Variants in ZNF33B observed in about 807,000 individuals in gnomAD.
The protein encoded by ZNF33B is zinc finger protein 33B.
ZNF33B carries 29 observed loss-of-function variants against 45.8 expected under a neutral mutation model. That is an observed-to-expected ratio of 0.63 (90% CI 0.47 to 0.86). The LOEUF is 0.86. ZNF33B is among the 40% of genes least tolerant of loss of function. The pLI is 0.00. For missense variants in ZNF33B, 831 were observed against 909.9 expected (o/e 0.91, Z 1.12); for synonymous variants, 305 against 307.8 (o/e 0.99, Z 0.10).
chr10:42,611,021 CAAT>C (rs1564513375), intron 4 of ZNF33B, among the ~76,000 whole-genome samples: 1 of 152,078 alleles, frequency 6.6e-6, no homozygotes, highest in Non-Finnish European at 1.5e-5. Context: ...TAATTTTCAA[CAAT>C]GATGCCAAGA....
At position 42,577,154 on chromosome 10, in the gene ZNF33B, A is replaced by AC. The variant is rs1266593656; in HGVS notation, c.74-2477_74-2476insG. On this transcript the variant is annotated intron_variant, in intron 1 of 1. Transcript: ENST00000462075. ...TCTCAAAAAAAAAAAAAAAAAAAAA[A>AC]AATTCCCAGTCCAGGCTGGAAGATG... is the stretch of plus-strand genomic sequence containing the variant. Among the ~76,000 whole-genome samples the AC allele has an allele frequency of 2.7e-5, 4 of 149,524 alleles. No homozygotes were observed. In the East Asian group the frequency reaches 7.9e-4, roughly 29 times the overall value.
At chr10:42,611,326 G>A (rs1373236216) in intron 4 of ZNF33B, among the ~76,000 whole-genome samples, 1 of 151,926 alleles carries the variant, frequency 6.6e-6, no homozygotes, top group Non-Finnish European at 1.5e-5. Context: ...GGGTGACGGA[G>A]TGAGACTCCG....
At position 42,590,223 on chromosome 10, in the gene ZNF33B, A is replaced by T. The variant is rs1194372003; in HGVS notation, c.*2390T>A. 1 of 152,122 alleles carries T rather than the reference A, an allele frequency of 6.6e-6. No individual in the cohort carries two copies. The highest frequency in any genetic ancestry group is 1.5e-5 in the Non-Finnish European group (1 of 68,024). 9.4% of individuals were successfully genotyped at this position (152,122 alleles called of 1,614,324 possible). ...TGTAATGTTTTTGCCTGGCTTTGGT[A>T]TTAGGGTAATCCTGGCCTCACAAAA... On this transcript the variant is annotated 3_prime_UTR_variant, in exon 5 of 5. Coordinates refer to ENST00000359467, the MANE Select transcript of ZNF33B (RefSeq NM_006955.3).
chr10:42,603,406 G>A (rs535609774), intron 4 of ZNF33B, among the ~76,000 whole-genome samples: 30 of 152,190 alleles, frequency 2.0e-4, no homozygotes, highest in African/African-American at 6.3e-4. Flanking sequence ...ACAGCAACAA[G>A]CTAAACCACA....
chr10:42,637,185 A>G (rs1279639959), intron 1 of ZNF33B, among the ~76,000 whole-genome samples: 1 of 152,224 alleles, frequency 6.6e-6, no homozygotes, highest in African/African-American at 2.4e-5. Flanking sequence ...CTTGGGCACA[A>G]GATTTTTCAT....
intron 4 of ZNF33B, among the ~76,000 whole-genome samples, chr10:42,628,159 G>T (rs1044251789): frequency 6.6e-6 from 1 of 152,172 alleles, no homozygotes; most frequent in African/African-American, 2.4e-5. Context: ...GGGACTACAG[G>T]CATGCGCCAC....
downstream of ZNF33B, among the ~76,000 whole-genome samples, chr10:42,588,362 G>A (rs2132022564): frequency 6.6e-6 from 1 of 152,348 alleles, no homozygotes; most frequent in East Asian, 1.9e-4. Context: ...GCAACTGGTG[G>A]TTCTGTCCAA....
intron 4 of ZNF33B, among the ~76,000 whole-genome samples, chr10:42,624,400 T>C (rs1214868770): frequency 1.3e-5 from 2 of 148,706 alleles, no homozygotes; most frequent in Non-Finnish European, 1.5e-5. Flanking sequence ...TCCTGTCCTC[T>C]TGATTATTAT....
At chr10:42,616,017 G>A (rs1430203384) in intron 4 of ZNF33B, among the ~76,000 whole-genome samples, 1 of 150,892 alleles carries the variant, frequency 6.6e-6, no homozygotes, top group Non-Finnish European at 1.5e-5. Context: ...GAGGTCAGGA[G>A]TTTTGAGACC....
rs369812293 is a variant in ZNF33B, at chr10:42,622,897, A to G, written c.250+9032T>C. ...AATAAAATGTTTAGAAGAAATGTTCAGAAGAAAACATAAGGAAAACTTTGG... is the reference window on the plus strand; with the variant it reads ...AATAAAATGTTTAGAAGAAATGTTCGGAAGAAAACATAAGGAAAACTTTGG... On this transcript the variant is annotated intron_variant, in intron 4 of 4. Transcript: ENST00000359467. Among the ~76,000 whole-genome samples, 29 of 152,382 alleles carry G rather than the reference A, an allele frequency of 1.9e-4. 1 individual carries two copies. Among genetic ancestry groups the G allele is most frequent in the African/African-American group, 6.7e-4 (28 of 41,600 alleles).
chr10:42,577,132 CAAAAAAA>C (rs71014272), intron 1 of ZNF33B, among the ~76,000 whole-genome samples: 1 of 81,648 alleles, frequency 1.2e-5, no homozygotes, highest in East Asian at 3.5e-4. Flanking sequence ...GACTCCATCT[CAAAAAAA>C]AAAAAAAAAA....
chr10:42,625,037 T>TA (rs1298111292), intron 4 of ZNF33B, among the ~76,000 whole-genome samples: 516 of 61,320 alleles, frequency 8.4e-3, no homozygotes, highest in Middle Eastern at 0.037. Flanking sequence ...TGTTTCATAT[T>TA]TTATATATAT....
chr10:42,615,374 T>C (rs1381119588), intron 4 of ZNF33B, among the ~76,000 whole-genome samples: 1 of 152,234 alleles, frequency 6.6e-6, no homozygotes, highest in South Asian at 2.1e-4. Context: ...CTATATACCA[T>C]GTTATATGGT....
In ZNF33B at chr10:42,637,102, T is replaced by C. The variant is rs2132183194; in HGVS notation, c.-44-130A>G. The C allele has an allele frequency of 3.8e-6, 3 of 799,046 alleles. No individual in the cohort carries two copies. The East Asian group carries it at 7.7e-5, about 20-fold the overall frequency. 49.5% of individuals were successfully genotyped at this position (799,046 alleles called of 1,614,324 possible). A position where few individuals can be genotyped will look rare whatever the true frequency, so the allele number is the denominator to read the frequency against. ...TCCGTCTGGGAGAATATCAATGTCC[T>C]CTGACACTTCGGAATAGGGGGTAGA... On this transcript the variant is annotated intron_variant, in intron 1 of 4. Transcript: ENST00000359467.
Position 42,589,677 on chromosome 10 carries a change from T to C in ZNF33B, c.*2936A>G, listed in dbSNP as rs1486070329. On this transcript the variant is annotated 3_prime_UTR_variant, in exon 5 of 5. Coordinates refer to ENST00000359467, the MANE Select transcript of ZNF33B (RefSeq NM_006955.3). ...CTACATTCTACAACCCTGCTATAAT[T>C]GCTTATTAATGTCAGCAGGTTTTTG... is the stretch of plus-strand genomic sequence containing the variant. 2 of 152,266 alleles carry C rather than the reference T, an allele frequency of 1.3e-5. No individual in the cohort carries two copies. The highest frequency in any genetic ancestry group is 2.9e-5 in the Non-Finnish European group (2 of 68,048). 9.4% of individuals were successfully genotyped at this position (152,266 alleles called of 1,614,324 possible). A position where few individuals can be genotyped will look rare whatever the true frequency, so the allele number is the denominator to read the frequency against.
At position 42,593,072 on chromosome 10, in the gene ZNF33B, CTGAG is replaced by C. The variant is rs761639831; in HGVS notation, c.1874_1877del (p.Thr625SerfsTer7). ...TCTCCCCTATGTGAATTCTCTGATG[CTGAG>C]TGAGTTGTGACTTCTGGCAGAAGGT... is the stretch of plus-strand genomic sequence containing the variant. On this transcript the variant is annotated frameshift_variant, in exon 5 of 5. Coordinates refer to ENST00000359467, the MANE Select transcript of ZNF33B (RefSeq NM_006955.3). LOFTEE classifies it high-confidence loss of function. 4.3e-6 allele frequency: 7 copies of C among 1,613,498 alleles called. No homozygotes were observed. Among genetic ancestry groups the C allele is most frequent in the Admixed American group, 1.7e-5 (1 of 59,944 alleles).
rs1589018783 is a variant in ZNF33B at position 42,591,192 on chromosome 10, T to C, written c.*1421A>G. ...ATCCCTGTCTGGGTACAATGAGCAA[T>C]GAAATGACAGTCCAACAGCCCTGGG... On this transcript the variant is annotated 3_prime_UTR_variant, in exon 5 of 5. Transcript: ENST00000359467. 2 of 730,962 alleles carry C rather than the reference T, an allele frequency of 2.7e-6. No homozygotes were observed. The highest frequency in any genetic ancestry group is 6.9e-4 in the Middle Eastern group (1 of 1,458). The allele number at this position is 730,962 out of a possible 1,614,324, so 45.3% of individuals were successfully genotyped here.
intron 1 of ZNF33B, among the ~76,000 whole-genome samples, chr10:42,581,265 G>A (rs1008812903): frequency 3.3e-5 from 5 of 151,554 alleles, no homozygotes; most frequent in African/African-American, 4.9e-5. Flanking sequence ...GCAGGAGTTC[G>A]AGACCAGCCT....
Position 42,594,434 on chromosome 10 carries a change from T to G in ZNF33B, c.516A>C (p.Ala172=). 2 of 1,613,676 alleles carry G rather than the reference T, an allele frequency of 1.2e-6. No individual in the cohort carries two copies. Among genetic ancestry groups the G allele is most frequent in the Non-Finnish European group, 8.5e-7 (1 of 1,179,810 alleles). ...TAATATTGAGTAACAATTTCCCACA[T>G]GCATTAAATTCGTCAGACTTTTTTC... ...YLGKKSDEFN[A]CGKLLLNIKH... Residue 172 remains alanine, a synonymous_variant, in exon 5 of 5, where the codon GCA becomes GCC. Coordinates refer to ENST00000359467, the MANE Select transcript of ZNF33B (RefSeq NM_006955.3).
Sources: gnomAD v4.1 joint callset for allele counts (sites outside exome capture counted in the v4.1 genomes callset) on GRCh38, gnomAD v4.1.1 for gene constraint, MANE v1.5 for transcripts, NCBI Gene and HGNC (gene_info 2026-07-23, HGNC 2026-07-21) for gene names.